Variants in LIMK2 observed in about 807,000 individuals in gnomAD.
LIMK2 encodes the protein LIM domain kinase 2.
A neutral mutation model predicts 75.7 loss-of-function variants in LIMK2; 35 were observed. That is an observed-to-expected ratio of 0.46 (90% CI 0.35 to 0.61). The LOEUF is 0.61. Ranked by LOEUF, LIMK2 falls within the 20% of genes least tolerant of loss-of-function variation. LIMK2 has a pLI of 0.00. For synonymous variants in LIMK2, 301 were observed against 319.2 expected (o/e 0.94, Z 0.61); for missense variants, 623 against 831.0 (o/e 0.75, Z 3.08).
chr22:31,223,775 A>G (rs1329980549), intron 1 of LIMK2, among the ~76,000 whole-genome samples: 1 of 152,164 alleles, frequency 6.6e-6, no homozygotes, highest in Non-Finnish European at 1.5e-5. Flanking sequence ...CTTGACAAGG[A>G]GTCTGAGGAT....
At chr22:31,215,319 C>G (rs1248801064) in intron 1 of LIMK2, among the ~76,000 whole-genome samples, 1 of 152,244 alleles carries the variant, frequency 6.6e-6, no homozygotes. Context: ...TGAGACACCT[C>G]AGATTCCTCG....
At chr22:31,217,610 C>G (rs2048399276) in intron 1 of LIMK2, among the ~76,000 whole-genome samples, 1 of 152,128 alleles carries the variant, frequency 6.6e-6, no homozygotes, top group Non-Finnish European at 1.5e-5. Context: ...AGTTTTTTTC[C>G]TCTATCATTG....
intron 1 of LIMK2, among the ~76,000 whole-genome samples, chr22:31,213,908 C>T (rs921170627): frequency 2.6e-5 from 4 of 151,754 alleles, no homozygotes; most frequent in South Asian, 2.1e-4. Context: ...CTCTGCCTCC[C>T]GGGTTCAAGC....
Position 31,272,522 on chromosome 22 carries a change from C to G in LIMK2, c.1384-8C>G. On this transcript the variant is annotated splice_region_variant and splice_polypyrimidine_tract_variant and intron_variant, in intron 12 of 15. Transcript: ENST00000331728. Reference sequence around the variant, plus strand: ...CATGAAGTCCTGACCTGTCTTTTATCCTACCAGGACAAGACTGTGGTGGTG... The same window carrying G: ...CATGAAGTCCTGACCTGTCTTTTATGCTACCAGGACAAGACTGTGGTGGTG... 1 of 1,604,106 alleles carries G rather than the reference C, an allele frequency of 6.2e-7. No individual in the cohort carries two copies. The highest frequency in any genetic ancestry group is 8.5e-7 in the Non-Finnish European group (1 of 1,176,206).
Position 31,262,887 on chromosome 22 carries a change from C to A in LIMK2, c.854+96C>A. 1 of 1,139,398 alleles carries A rather than the reference C, an allele frequency of 8.8e-7. No individual in the cohort carries two copies. The highest frequency in any genetic ancestry group is 1.2e-6 in the Non-Finnish European group (1 of 818,186). The allele number at this position is 1,139,398 out of a possible 1,614,324, so 70.6% of individuals were successfully genotyped here. On this transcript the variant is annotated intron_variant, in intron 7 of 15. Transcript: ENST00000331728. The surrounding 1 kb of genome is among the most constrained non-coding windows in gnomAD (Gnocchi z 5.0). ...AAGCCTGCAGAGTTAGGAAAGGAAC[C>A]AGCTGGCCAGGGACAGACTATGAGG... is the stretch of plus-strand genomic sequence containing the variant.
At chr22:31,219,730 C>T (rs1306202181) in intron 1 of LIMK2, among the ~76,000 whole-genome samples, 2 of 152,168 alleles carry the variant, frequency 1.3e-5, no homozygotes, top group Non-Finnish European at 2.9e-5. Flanking sequence ...CATCACCATG[C>T]CCGGCTAATT....
At chr22:31,228,286 G>C (rs1363735344) in intron 2 of LIMK2, among the ~76,000 whole-genome samples, 1 of 152,046 alleles carries the variant, frequency 6.6e-6, no homozygotes, top group Non-Finnish European at 1.5e-5. Context: ...TGGCATGGTG[G>C]CACATGCCTG....
intron 2 of LIMK2, among the ~76,000 whole-genome samples, chr22:31,239,148 T>C (rs931330261): frequency 2.6e-5 from 4 of 152,254 alleles, no homozygotes; most frequent in African/African-American, 9.6e-5. Context: ...AAATTTCACA[T>C]GGGCATATAC....
intron 15 of LIMK2, chr22:31,277,256 C>T (rs1357926326): frequency 7.8e-6 from 12 of 1,536,168 alleles, no homozygotes; most frequent in Non-Finnish European, 1.0e-5. Context: ...GAGCAGGGCT[C>T]CTCGTGCCCC....
intron 1 of LIMK2, among the ~76,000 whole-genome samples, chr22:31,213,484 C>T (rs1280099872): frequency 6.6e-6 from 1 of 152,236 alleles, no homozygotes; most frequent in East Asian, 1.9e-4. Context: ...TGGACAGTCA[C>T]TTCCTTCATC....
chr22:31,255,652 T>G (rs954904450), intron 2 of LIMK2, among the ~76,000 whole-genome samples: 3 of 152,222 alleles, frequency 2.0e-5, no homozygotes, highest in Non-Finnish European at 4.4e-5. Flanking sequence ...TTGAGTTTTA[T>G]TTAGACTTTC....
At chr22:31,236,492 C>T (rs1264971677) in intron 2 of LIMK2, among the ~76,000 whole-genome samples, 1 of 151,214 alleles carries the variant, frequency 6.6e-6, no homozygotes, top group African/African-American at 2.4e-5. Flanking sequence ...GCCTGTGGTC[C>T]CAGCTACTCA....
Position 31,275,460 on chromosome 22 carries a change from T to A in LIMK2, c.1772+152T>A, listed in dbSNP as rs1274789456. ...AACCCCTGAGCCATCTGACAACACATATGTACAGGTTGGAGAAGAGAGAGG... is the reference window on the plus strand; with the variant it reads ...AACCCCTGAGCCATCTGACAACACAAATGTACAGGTTGGAGAAGAGAGAGG... On this transcript the variant is annotated intron_variant, in intron 15 of 15. Transcript: ENST00000331728. 6 of 683,334 alleles carry A rather than the reference T, an allele frequency of 8.8e-6. No individual in the cohort carries two copies. The South Asian group carries it at 1.1e-4, about 13-fold the overall frequency. 42.3% of individuals were successfully genotyped at this position (683,334 alleles called of 1,614,324 possible).
intron 2 of LIMK2, 147 bp from the exon 3 acceptor site, chr22:31,258,144 G>A (rs552116010): frequency 2.7e-6 from 2 of 753,908 alleles, no homozygotes; most frequent in African/African-American, 1.7e-5. Flanking sequence ...CCCTTGGGGA[G>A]ATAGCACAAG....
intron 2 of LIMK2, among the ~76,000 whole-genome samples, chr22:31,227,591 C>T (rs1444836851): frequency 6.6e-6 from 1 of 152,184 alleles, no homozygotes; most frequent in African/African-American, 2.4e-5. Context: ...TTTAGTATGA[C>T]AGGAGCAGAG....
intron 2 of LIMK2, among the ~76,000 whole-genome samples, chr22:31,253,634 G>A (rs117922320): frequency 2.0e-5 from 3 of 152,344 alleles, no homozygotes; most frequent in East Asian, 1.9e-4. Context: ...GTCTCACTCC[G>A]GTGACATAGT....
chr22:31,260,444 G>C (rs1289114765), intron 5 of LIMK2, among the ~76,000 whole-genome samples: 2 of 152,180 alleles, frequency 1.3e-5, no homozygotes, highest in Non-Finnish European at 2.9e-5. Context: ...TGCATGCCCA[G>C]GGCTTGGAAG....
chr22:31,275,365 C>G (rs1322379055), intron 15 of LIMK2, 57 bp downstream of exon 15: 14 of 1,575,866 alleles, frequency 8.9e-6, no homozygotes, highest in Admixed American at 6.9e-5. Context: ...TTGCCTCTGT[C>G]TAAGGCCACC....
At chr22:31,243,754 G>A (rs1184374842) in intron 2 of LIMK2, among the ~76,000 whole-genome samples, 1 of 152,224 alleles carries the variant, frequency 6.6e-6, no homozygotes, top group Admixed American at 6.5e-5. Flanking sequence ...GCTGCTCTGA[G>A]GACCTAGAAG....
Sources: allele counts gnomAD v4.1 joint callset (sites outside exome capture counted in the v4.1 genomes callset), GRCh38; gene constraint gnomAD v4.1.1; non-coding constraint Gnocchi (gnomAD v3.1); transcripts MANE v1.5; gene names NCBI Gene and HGNC (gene_info 2026-07-23, HGNC 2026-07-21).